PALMD: variants seen among roughly 807,000 people sequenced by gnomAD.
PALMD encodes paralemmin-like protein.
A neutral mutation model predicts 56.2 loss-of-function variants in PALMD; 42 were observed. That is an observed-to-expected ratio of 0.75 (90% CI 0.58 to 0.97). The LOEUF (loss-of-function observed/expected upper bound fraction) is 0.97. Ranked by LOEUF, PALMD falls within the 50% of genes least tolerant of loss-of-function variation. The pLI is 0.00. For synonymous variants in PALMD, 242 were observed against 222.9 expected, an observed-to-expected ratio of 1.09 and a Z score of -0.76; for missense variants, 660 against 643.8, an observed-to-expected ratio of 1.03 and a Z score of -0.27.
At chr1:99,664,326 G>A (rs1034638368) in intron 2 of PALMD, among the ~76,000 whole-genome samples, 2 of 152,090 alleles carry the variant, frequency 1.3e-5, no homozygotes, top group Admixed American at 1.3e-4. Flanking sequence ...TAAAGGTATG[G>A]GATTCAAGCT....
chr1:99,661,080 C>A (rs566855945), intron 1 of PALMD, among the ~76,000 whole-genome samples: 206 of 152,282 alleles, frequency 1.4e-3, no homozygotes, highest in Non-Finnish European at 2.5e-3. Context: ...ATCAATAATG[C>A]ACTTACATCA....
At chr1:99,681,160 G>GAGAGAGAGAA (rs1653336958) in intron 3 of PALMD, among the ~76,000 whole-genome samples, 2 of 149,694 alleles carry the variant, frequency 1.3e-5, no homozygotes, top group African/African-American at 5.1e-5. Flanking sequence ...TATGTATAGA[G>GAGAGAGAGAA]CCCGGACTTT....
rs559042918 is a variant in PALMD, at chr1:99,652,618, G to A, written c.45+6256G>A. On this transcript the variant is annotated intron_variant, in intron 1 of 7. Transcript: ENST00000263174. Reference sequence around the variant, plus strand: ...GACTCCGTCAGAAAAGAAAAGAAAAGACAGAAAAGAGAAAAGGAAAGGAAA... The same window carrying A: ...GACTCCGTCAGAAAAGAAAAGAAAAAACAGAAAAGAGAAAAGGAAAGGAAA... Among the ~76,000 whole-genome samples the A allele has an allele frequency of 5.4e-4, 72 of 133,004 alleles. 1 individual carries two copies. The South Asian group carries it at 0.018, about 33-fold the overall frequency. The allele number at this position is 133,004 out of a possible 152,430, so 87.3% of individuals were successfully genotyped here. A position where few individuals can be genotyped will look rare whatever the true frequency, so the allele number is the denominator to read the frequency against.
At chr1:99,691,083 C>T (rs1441975256) in intron 7 of PALMD, among the ~76,000 whole-genome samples, 1 of 152,118 alleles carries the variant, frequency 6.6e-6, no homozygotes, top group East Asian at 1.9e-4. Context: ...CTTCCTCAAT[C>T]AGAGTTGAGT....
rs1428066208 is a variant in PALMD, at chr1:99,689,722, G to T, written c.1462G>T (p.Ala488Ser). 3.7e-6 allele frequency: 6 copies of T among 1,613,708 alleles called. No individual in the cohort carries two copies. Among genetic ancestry groups the T allele is most frequent in the Non-Finnish European group, 5.1e-6 (6 of 1,179,884 alleles). ...PTPLPRKRSE[A>S]SPHENTNHKS... ...ACCACTTCCTAGAAAAAGATCAGAA[G>T]CTAGTCCTCATGAAAACACAAATCA... is the stretch of plus-strand genomic sequence containing the variant. The change falls in exon 7 of 8, where the codon GCT becomes TCT. Residue 488 changes from alanine (A) to serine (S), a missense_variant. Physicochemically the swap from Ala to Ser is moderately conservative, Grantham distance 99. Transcript: ENST00000263174.
intron 1 of PALMD, among the ~76,000 whole-genome samples, chr1:99,654,289 C>T (rs1652662527): frequency 6.6e-6 from 1 of 151,944 alleles, no homozygotes. Context: ...AAAAATTAAT[C>T]AGAAAATATA....
chr1:99,662,217 A>G, intron 1 of PALMD, 102 bp from the exon 2 acceptor site: 2 of 678,404 alleles, frequency 2.9e-6, no homozygotes, highest in Non-Finnish European at 5.2e-6. Flanking sequence ...CCAATGCCAA[A>G]AAAATATCAG....
intron 7 of PALMD, among the ~76,000 whole-genome samples, chr1:99,691,737 A>G (rs1188012577): frequency 6.6e-6 from 1 of 152,108 alleles, no homozygotes; most frequent in Non-Finnish European, 1.5e-5. Context: ...CCCCCAAAAA[A>G]CGCTTATGAT....
At chr1:99,683,722 T>C (rs1174197711) in intron 3 of PALMD, 1 of 152,276 alleles carries the variant, frequency 6.6e-6, no homozygotes, top group South Asian at 2.1e-4. Context: ...TTTCAAGTCA[T>C]AGCATGTTTC....
At chr1:99,652,378 C>A (rs887724771) in intron 1 of PALMD, among the ~76,000 whole-genome samples, 1 of 151,974 alleles carries the variant, frequency 6.6e-6, no homozygotes, top group Non-Finnish European at 1.5e-5. Context: ...TTGAGGCAGG[C>A]GGATCACTTA....
At chr1:99,656,695 A>C (rs964980809) in intron 1 of PALMD, among the ~76,000 whole-genome samples, 1 of 152,086 alleles carries the variant, frequency 6.6e-6, no homozygotes, top group Non-Finnish European at 1.5e-5. Context: ...AATGCCCACA[A>C]CCATGCTTTT....
intron 3 of PALMD, among the ~76,000 whole-genome samples, chr1:99,671,147 T>C (rs562843867): frequency 6.6e-6 from 1 of 152,244 alleles, no homozygotes; most frequent in East Asian, 1.9e-4. Context: ...TGCTCGAGGG[T>C]GACATTTGCC....
intron 3 of PALMD, among the ~76,000 whole-genome samples, chr1:99,674,994 C>G (rs181024086): frequency 3.3e-4 from 51 of 152,342 alleles, no homozygotes; most frequent in Admixed American, 3.0e-3. Context: ...ACACCCACCC[C>G]CTTGCGATGC....
At chr1:99,693,416 T>A (rs1653706590) in intron 7 of PALMD, among the ~76,000 whole-genome samples, 1 of 152,222 alleles carries the variant, frequency 6.6e-6, no homozygotes, top group Non-Finnish European at 1.5e-5. Context: ...ATTCAATATA[T>A]TATTAGCAGA....
intron 7 of PALMD, 118 bp from the exon 8 acceptor site, chr1:99,693,901 C>A: frequency 1.4e-6 from 1 of 696,968 alleles, no homozygotes; most frequent in Non-Finnish European, 2.5e-6. Flanking sequence ...AATGCTCACA[C>A]TGTTGGATAA....
chr1:99,686,895 C>T (rs752571217), intron 4 of PALMD, 35 bp from the exon 5 acceptor site: 15 of 1,461,256 alleles, frequency 1.0e-5, no homozygotes, highest in Non-Finnish European at 1.2e-5. Flanking sequence ...ATTTTTTAAA[C>T]TGTATTAATC....
chr1:99,670,241 T>C (rs544980510), intron 3 of PALMD, among the ~76,000 whole-genome samples: 1 of 152,322 alleles, frequency 6.6e-6, no homozygotes, highest in Non-Finnish European at 1.5e-5. Context: ...CTTTTAGATC[T>C]TCATGATGCT....
At position 99,689,013 on chromosome 1, in the gene PALMD, T is replaced by C; in HGVS notation, c.753T>C (p.Ser251=). 6.2e-7 allele frequency: 1 copy of C among 1,613,782 alleles called. No individual in the cohort carries two copies. The highest frequency in any genetic ancestry group is 1.1e-5 in the South Asian group (1 of 91,066). Residue 251 remains serine, a synonymous_variant, in exon 7 of 8, where the codon TCT becomes TCC. Transcript: ENST00000263174. ...TAAGACAAGCCTCAGAGAGAAACTC[T>C]AAATCCCCAACAGAGTATCATGAGC... The part of the protein sequence containing the change: ...ELLRQASERN[S]KSPTEYHEPV...
At chr1:99,672,631 A>G (rs1653110909) in intron 3 of PALMD, among the ~76,000 whole-genome samples, 1 of 152,088 alleles carries the variant, frequency 6.6e-6, no homozygotes, top group Non-Finnish European at 1.5e-5. Flanking sequence ...GCAGTTGTCC[A>G]TGACCTCCCT....
Sources: gnomAD v4.1 joint callset for allele counts (sites outside exome capture counted in the v4.1 genomes callset) on GRCh38, gnomAD v4.1.1 for gene constraint, MANE v1.5 for transcripts, NCBI Gene and HGNC (gene_info 2026-07-23, HGNC 2026-07-21) for gene names.